The following PTPRD variants were observed in gnomAD, a reference collection of about 807,000 sequenced individuals.
PTPRD encodes receptor-type tyrosine-protein phosphatase delta.
PTPRD carries 34 observed loss-of-function variants against 214.5 expected under a neutral mutation model. That is an observed-to-expected ratio of 0.16 (90% CI 0.12 to 0.21). The LOEUF (loss-of-function observed/expected upper bound fraction) is 0.21, where lower values mean the gene tolerates loss of function less well. Among genes scored for constraint, PTPRD ranks in the 10% least tolerant of loss-of-function variants. PTPRD has a pLI of 1.00. For synonymous variants in PTPRD, 1,128 were observed against 845.7 expected (o/e 1.33, Z -5.79); for missense variants, 2,545 against 2,398.7 (o/e 1.06, Z -1.27).
chr9:10,078,128 A>C (rs2098165470), intron 3 of PTPRD, among the ~76,000 whole-genome samples: 1 of 151,744 alleles, frequency 6.6e-6, no homozygotes, highest in Non-Finnish European at 1.5e-5. Context: ...ATAAGAAAGA[A>C]AAAAAATCTT....
rs60069193 is a variant in PTPRD at position 10,203,169 on chromosome 9, C to CTT, written c.-545+137792_-545+137793dup. ...TGTTTACTGTCTTCTCCCTCTCTCT[C>CTT]TTTTTTTTTTTTTTTTTTAATGTGA... On this transcript the variant is annotated intron_variant, in intron 3 of 45. Coordinates refer to ENST00000381196, the MANE Select transcript of PTPRD (RefSeq NM_002839.4). Among the ~76,000 whole-genome samples, 650 of 119,846 alleles carry CTT rather than the reference C, an allele frequency of 5.4e-3. 7 individuals are homozygous for CTT. Among genetic ancestry groups the CTT allele is most frequent in the African/African-American group, 0.018 (576 of 32,332 alleles). The allele number at this position is 119,846 out of a possible 152,430, so 78.6% of individuals were successfully genotyped here. A position where few individuals can be genotyped will look rare whatever the true frequency, so the allele number is the denominator to read the frequency against.
chr9:10,576,674 A>G (rs978363564), intron 2 of PTPRD, among the ~76,000 whole-genome samples: 3 of 151,030 alleles, frequency 2.0e-5, no homozygotes, highest in African/African-American at 7.3e-5. Flanking sequence ...GAGAAAACAT[A>G]AAAAATAGAA....
chr9:9,954,457 T>G (rs142111701), intron 4 of PTPRD, among the ~76,000 whole-genome samples: 1 of 151,978 alleles, frequency 6.6e-6, no homozygotes, highest in Non-Finnish European at 1.5e-5. Context: ...TTTAACATTA[T>G]GAAAATACTT....
chr9:10,365,525 T>C (rs2097499372), intron 2 of PTPRD, among the ~76,000 whole-genome samples: 1 of 152,214 alleles, frequency 6.6e-6, no homozygotes. Context: ...TGAAGTATTT[T>C]CCTATTTCCT....
At chr9:9,917,852 C>T (rs539901702) in intron 5 of PTPRD, among the ~76,000 whole-genome samples, 1 of 152,058 alleles carries the variant, frequency 6.6e-6, no homozygotes, top group African/African-American at 2.4e-5. Context: ...TTTATCAATA[C>T]ATACATTTGA....
chr9:10,444,378 T>C (rs964867152), intron 2 of PTPRD, among the ~76,000 whole-genome samples: 2 of 151,800 alleles, frequency 1.3e-5, no homozygotes, highest in African/African-American at 2.4e-5. Flanking sequence ...TAGTGGTAAG[T>C]AGATAAAAAC....
chr9:9,123,209 G>T (rs2099819280), intron 10 of PTPRD, among the ~76,000 whole-genome samples: 1 of 152,122 alleles, frequency 6.6e-6, no homozygotes, highest in African/African-American at 2.4e-5. Context: ...TGCAGTCATG[G>T]CCTCATGCCA....
At chr9:9,024,115 G>A (rs2099578788) in intron 10 of PTPRD, among the ~76,000 whole-genome samples, 1 of 150,862 alleles carries the variant, frequency 6.6e-6, no homozygotes, top group African/African-American at 2.4e-5. Flanking sequence ...CTTGACTTTT[G>A]GGTATACAGC....
chr9:10,160,650 C>A (rs1482047610), intron 3 of PTPRD, among the ~76,000 whole-genome samples: 1 of 151,906 alleles, frequency 6.6e-6, no homozygotes, highest in East Asian at 1.9e-4. Flanking sequence ...ATGAAATCCT[C>A]TTTTATGTCT....
At chr9:9,560,509 T>C (rs1440183245) in intron 8 of PTPRD, among the ~76,000 whole-genome samples, 1 of 152,178 alleles carries the variant, frequency 6.6e-6, no homozygotes, top group Non-Finnish European at 1.5e-5. Context: ...GTCCACTGCC[T>C]CCCATGTTTC....
intron 9 of PTPRD, among the ~76,000 whole-genome samples, chr9:9,229,451 G>A (rs1490125355): frequency 1.3e-5 from 2 of 152,078 alleles, no homozygotes; most frequent in Admixed American, 1.3e-4. Context: ...TGAATAATCT[G>A]TAATCCTTCA....
chr9:8,584,681 T>A (rs183310529), intron 14 of PTPRD, among the ~76,000 whole-genome samples: 144 of 152,272 alleles, frequency 9.5e-4, no homozygotes, highest in African/African-American at 3.4e-3. Flanking sequence ...CCTAATAAGT[T>A]GGGTGTAAAT....
chr9:8,816,724 C>T (rs1212603377), intron 11 of PTPRD, among the ~76,000 whole-genome samples: 4 of 152,128 alleles, frequency 2.6e-5, no homozygotes, highest in African/African-American at 7.2e-5. Context: ...GCACTCTTTC[C>T]ATATCAACAT....
chr9:9,949,779 G>A (rs546458586), intron 4 of PTPRD, among the ~76,000 whole-genome samples: 2 of 152,124 alleles, frequency 1.3e-5, no homozygotes, highest in Non-Finnish European at 1.5e-5. Flanking sequence ...GTTATCTTCA[G>A]ATCAGATGTG....
intron 10 of PTPRD, among the ~76,000 whole-genome samples, chr9:9,159,827 A>C (rs921021438): frequency 6.6e-6 from 1 of 152,216 alleles, no homozygotes; most frequent in East Asian, 1.9e-4. Context: ...TTGTAATAAA[A>C]ATCTCATGGC....
intron 7 of PTPRD, among the ~76,000 whole-genome samples, chr9:9,661,853 GC>G (rs566567355): frequency 1.9e-4 from 29 of 151,784 alleles, no homozygotes; most frequent in African/African-American, 6.7e-4. Context: ...AGATTTGAGT[GC>G]TTGTTTCAGC....
chr9:9,136,093 C>T (rs570169193), intron 10 of PTPRD, among the ~76,000 whole-genome samples: 44 of 152,228 alleles, frequency 2.9e-4, no homozygotes, highest in African/African-American at 1.0e-3. Context: ...AACCTCATAA[C>T]ATACCGTCAT....
intron 3 of PTPRD, among the ~76,000 whole-genome samples, chr9:10,230,523 C>T (rs963655514): frequency 6.6e-6 from 1 of 151,732 alleles, no homozygotes; most frequent in African/African-American, 2.4e-5. Flanking sequence ...ATCTATCAAG[C>T]ACTGAGATCA....
intron 22 of PTPRD, 149 bp downstream of exon 22, chr9:8,507,152 G>T: frequency 1.2e-6 from 1 of 807,712 alleles, no homozygotes. Context: ...TGGGGGGGAG[G>T]GGGAGTCAAG....
Sources: allele counts gnomAD v4.1 joint callset (sites outside exome capture counted in the v4.1 genomes callset), GRCh38; gene constraint gnomAD v4.1.1; transcripts MANE v1.5; gene names NCBI Gene and HGNC (gene_info 2026-07-23, HGNC 2026-07-21).